The following CTNNA3 variants were observed in gnomAD, a reference collection of about 807,000 sequenced individuals.
CTNNA3 encodes catenin alpha-3.
CTNNA3 carries 76 observed loss-of-function variants against 95.7 expected under a neutral mutation model. That is an observed-to-expected ratio of 0.79 (90% CI 0.66 to 0.96). CTNNA3 has a LOEUF of 0.96. Ranked by LOEUF, CTNNA3 falls within the 40% of genes least tolerant of loss-of-function variation. The probability of loss-of-function intolerance (pLI) is 0.00; values close to 1 mark genes in which losing one functional copy is unlikely to be tolerated. For missense variants in CTNNA3, 1,191 were observed against 1,089.8 expected (o/e 1.09, Z -1.31); for synonymous variants, 431 against 374.4 (o/e 1.15, Z -1.74).
intron 7 of CTNNA3, among the ~76,000 whole-genome samples, chr10:67,129,234 A>G (rs1029886530): frequency 6.6e-6 from 1 of 152,186 alleles, no homozygotes; most frequent in African/African-American, 2.4e-5. Context: ...CAGTGGAACC[A>G]TGTTCATTAA....
At chr10:67,532,648 AG>A (rs1840365617) in intron 4 of CTNNA3, among the ~76,000 whole-genome samples, 1 of 152,172 alleles carries the variant, frequency 6.6e-6, no homozygotes, top group South Asian at 2.1e-4. Context: ...CTTCATTTTT[AG>A]GAATAAGTAC....
chr10:67,666,608 C>G (rs1032558352), intron 1 of CTNNA3, among the ~76,000 whole-genome samples: 2 of 152,072 alleles, frequency 1.3e-5, no homozygotes, highest in Non-Finnish European at 2.9e-5. Flanking sequence ...CATTTTTAAA[C>G]ACAATTCCTC....
chr10:66,546,247 G>C (rs1842031623), intron 10 of CTNNA3, among the ~76,000 whole-genome samples: 1 of 151,928 alleles, frequency 6.6e-6, no homozygotes, highest in Non-Finnish European at 1.5e-5. Flanking sequence ...AATCCACATG[G>C]AATTGGTTTA....
chr10:66,734,438 C>T (rs1190412842), intron 9 of CTNNA3, among the ~76,000 whole-genome samples: 8 of 151,986 alleles, frequency 5.3e-5, no homozygotes, highest in African/African-American at 1.9e-4. Context: ...TAAGAAAATA[C>T]CTTTTTATTT....
intron 5 of CTNNA3, among the ~76,000 whole-genome samples, chr10:67,376,551 T>C (rs2394379): frequency 0.89 from 135,423 of 152,252 alleles, 61,303 homozygotes; most frequent in East Asian, 1. Context: ...CTAATTCATA[T>C]AGCTCACCGA....
chr10:66,254,834 T>C (rs1297739876), intron 13 of CTNNA3, among the ~76,000 whole-genome samples: 1 of 152,238 alleles, frequency 6.6e-6, no homozygotes, highest in Non-Finnish European at 1.5e-5. Context: ...TGTCTGTCTC[T>C]GCCCTTGGGG....
At chr10:66,898,751 C>T (rs1295705801) in intron 7 of CTNNA3, among the ~76,000 whole-genome samples, 1 of 152,012 alleles carries the variant, frequency 6.6e-6, no homozygotes, top group African/African-American at 2.4e-5. Flanking sequence ...ATGTAAAACT[C>T]CTAGAAGAAA....
At position 66,284,309 on chromosome 10, in the gene CTNNA3, G is replaced by A. The variant is rs111323694; in HGVS notation, c.1733-3688C>T. Among the ~76,000 whole-genome samples, 697 of 151,980 alleles carry A rather than the reference G, an allele frequency of 4.6e-3. 4 individuals are homozygous for A. Among genetic ancestry groups the A allele is most frequent in the African/African-American group, 0.016 (674 of 41,500 alleles). On this transcript the variant is annotated intron_variant, in intron 12 of 17. Transcript: ENST00000433211. Reference sequence around the variant, plus strand: ...CATAATCCTCACGGAAGCCCTGTAAGGCAGGAACTATTACTATCCTGATTT... The same window carrying A: ...CATAATCCTCACGGAAGCCCTGTAAAGCAGGAACTATTACTATCCTGATTT...
At chr10:66,266,800 G>T (rs932427606) in intron 13 of CTNNA3, among the ~76,000 whole-genome samples, 1 of 151,838 alleles carries the variant, frequency 6.6e-6, no homozygotes, top group African/African-American at 2.4e-5. Flanking sequence ...TATTATTATT[G>T]TTAGTATCAT....
chr10:67,601,900 T>C (rs1356815321), intron 3 of CTNNA3, among the ~76,000 whole-genome samples: 1 of 152,166 alleles, frequency 6.6e-6, no homozygotes, highest in Non-Finnish European at 1.5e-5. Flanking sequence ...TCACCTTTCA[T>C]GGGCAGGTTC....
At chr10:67,525,758 T>C (rs1840121014) in intron 4 of CTNNA3, among the ~76,000 whole-genome samples, 1 of 152,190 alleles carries the variant, frequency 6.6e-6, no homozygotes, top group Non-Finnish European at 1.5e-5. Flanking sequence ...TTGATTCAAA[T>C]AACTCTAGAG....
At chr10:66,909,632 A>G (rs1301338178) in intron 7 of CTNNA3, among the ~76,000 whole-genome samples, 2 of 152,220 alleles carry the variant, frequency 1.3e-5, no homozygotes, top group African/African-American at 4.8e-5. Flanking sequence ...AGAGAGCAAT[A>G]AAAATCCATC....
chr10:66,625,428 G>A (rs759386102), intron 9 of CTNNA3, among the ~76,000 whole-genome samples: 7 of 151,930 alleles, frequency 4.6e-5, no homozygotes, highest in Non-Finnish European at 7.4e-5. Flanking sequence ...TCACTAGGTC[G>A]CCCAGGCTGG....
At position 66,642,905 on chromosome 10, in the gene CTNNA3, A is replaced by G. The variant is rs188455141; in HGVS notation, c.1282-21121T>C. Among the ~76,000 whole-genome samples, 269 of 152,250 alleles carry G rather than the reference A, an allele frequency of 1.8e-3. 1 individual carries two copies. Among genetic ancestry groups the G allele is most frequent in the Non-Finnish European group, 2.7e-3 (182 of 68,004 alleles). On this transcript the variant is annotated intron_variant, in intron 9 of 17. Coordinates refer to ENST00000433211, the MANE Select transcript of CTNNA3 (RefSeq NM_013266.4). The stretch of plus-strand genomic sequence containing the variant: ...AGACAAGTTCTAGCGATTATTGTGA[A>G]AGTACCTGTTTCTAGACCAACTCTT...
intron 7 of CTNNA3, among the ~76,000 whole-genome samples, chr10:67,093,413 T>C (rs1564885956): frequency 6.6e-6 from 1 of 151,786 alleles, no homozygotes; most frequent in Non-Finnish European, 1.5e-5. Context: ...GGAGAGACCA[T>C]GTTAATAAAA....
At chr10:67,312,777 T>C (rs181776393) in intron 5 of CTNNA3, among the ~76,000 whole-genome samples, 2 of 152,218 alleles carry the variant, frequency 1.3e-5, no homozygotes, top group Non-Finnish European at 2.9e-5. Context: ...GGTGGATATA[T>C]GAATAAATAA....
intron 13 of CTNNA3, among the ~76,000 whole-genome samples, chr10:66,252,592 G>A (rs2090603030): frequency 6.6e-6 from 1 of 152,176 alleles, no homozygotes; most frequent in Non-Finnish European, 1.5e-5. Flanking sequence ...GTGGTGTTAT[G>A]TGAATATATG....
At chr10:67,749,394 T>C (rs1338180340) in intron 1 of CTNNA3, among the ~76,000 whole-genome samples, 2 of 152,164 alleles carry the variant, frequency 1.3e-5, no homozygotes, top group Admixed American at 6.5e-5. Context: ...TACTCTAAAA[T>C]TGATCACATA....
At chr10:67,700,867 G>A (rs1841033422), upstream of CTNNA3, among the ~76,000 whole-genome samples, 1 of 152,104 alleles carries the variant, frequency 6.6e-6, no homozygotes, top group Admixed American at 6.6e-5. Flanking sequence ...CAAAGAAGTT[G>A]AAAACTTTGA....
Sources: allele counts gnomAD v4.1 joint callset (sites outside exome capture counted in the v4.1 genomes callset), GRCh38; gene constraint gnomAD v4.1.1; transcripts MANE v1.5; gene names NCBI Gene and HGNC (gene_info 2026-07-23, HGNC 2026-07-21).